Variants in FAM171A1 observed in about 807,000 individuals in gnomAD.
The protein encoded by FAM171A1 is family with sequence similarity 171 member A1.
A neutral mutation model predicts 74.9 loss-of-function variants in FAM171A1; 23 were observed. That is an observed-to-expected ratio of 0.31 (90% CI 0.22 to 0.44). The LOEUF is 0.44. Ranked by LOEUF, FAM171A1 falls within the 20% of genes least tolerant of loss-of-function variation. The pLI is 1.00. For synonymous variants in FAM171A1, 527 were observed against 505.7 expected (o/e 1.04, Z -0.57); for missense variants, 1,162 against 1,159.2 (o/e 1.00, Z -0.03).
chr10:15,328,390 C>T (rs992914010), intron 1 of FAM171A1, among the ~76,000 whole-genome samples: 3 of 152,202 alleles, frequency 2.0e-5, no homozygotes, highest in Admixed American at 6.6e-5. Context: ...AGGTGATCCA[C>T]CCGCCTCGGC....
At chr10:15,240,204 T>C (rs1834346396) in intron 5 of FAM171A1, among the ~76,000 whole-genome samples, 1 of 152,032 alleles carries the variant, frequency 6.6e-6, no homozygotes, top group Non-Finnish European at 1.5e-5. Context: ...CTACTAAAAA[T>C]ACAAAAATTA....
chr10:15,371,678 C>T (rs929877917), upstream of FAM171A1, among the ~76,000 whole-genome samples: 1 of 152,184 alleles, frequency 6.6e-6, no homozygotes, highest in Non-Finnish European at 1.5e-5. Context: ...GCAGTACCTA[C>T]GTGTTGGCGG....
chr10:15,312,167 G>C (rs1454701489), intron 1 of FAM171A1, among the ~76,000 whole-genome samples: 1 of 152,144 alleles, frequency 6.6e-6, no homozygotes, highest in Non-Finnish European at 1.5e-5. Flanking sequence ...TTTTGAATCG[G>C]ACCAGATCGG....
chr10:15,212,939 G>C lies in FAM171A1; in HGVS notation c.2649C>G (p.Pro883=). ...CTCATTTAATGTTAAACGCCATCAGGGGCCTCTCCTCCCGTTTCTGCCAGG... is the reference window on the plus strand; with the variant it reads ...CTCATTTAATGTTAAACGCCATCAGCGGCCTCTCCTCCCGTTTCTGCCAGG... The part of the protein sequence containing the change: ...KSPWQKREER[P]LMAFNIK Residue 883 remains proline, a synonymous_variant, in exon 8 of 8, where the codon CCC becomes CCG. Coordinates refer to ENST00000378116, the MANE Select transcript of FAM171A1 (RefSeq NM_001010924.2). 1 of 1,614,090 alleles carries C rather than the reference G, an allele frequency of 6.2e-7. No homozygotes were observed. Among genetic ancestry groups the C allele is most frequent in the Non-Finnish European group, 8.5e-7 (1 of 1,180,020 alleles).
intron 5 of FAM171A1, among the ~76,000 whole-genome samples, chr10:15,233,658 C>G (rs1834240070): frequency 6.6e-6 from 1 of 152,148 alleles, no homozygotes; most frequent in Middle Eastern, 3.4e-3. Flanking sequence ...AATCCCAGCA[C>G]TTTGGGAGGC....
chr10:15,317,134 G>C (rs1299441587), intron 1 of FAM171A1, among the ~76,000 whole-genome samples: 1 of 152,118 alleles, frequency 6.6e-6, no homozygotes, highest in Non-Finnish European at 1.5e-5. Flanking sequence ...ACACAGGGAG[G>C]GGCCACCAGA....
intron 4 of FAM171A1, among the ~76,000 whole-genome samples, chr10:15,251,937 A>C (rs918531906): frequency 1.3e-5 from 2 of 152,146 alleles, no homozygotes; most frequent in African/African-American, 2.4e-5. Context: ...CCAAGCGAGG[A>C]GAGGAGCTGT....
intron 5 of FAM171A1, among the ~76,000 whole-genome samples, chr10:15,223,028 C>T (rs140829575): frequency 7.9e-5 from 12 of 152,280 alleles, no homozygotes; most frequent in South Asian, 6.2e-4. Context: ...GGAGCGACAA[C>T]GTAAGATGTT....
At chr10:15,221,166 G>A in intron 5 of FAM171A1, 106 bp from the exon 6 acceptor site, 2 of 907,406 alleles carry the variant, frequency 2.2e-6, no homozygotes, top group Non-Finnish European at 3.2e-6. Context: ...TCATGTTTAT[G>A]ACCTATAAGA....
intron 5 of FAM171A1, among the ~76,000 whole-genome samples, chr10:15,227,030 C>T (rs1042555400): frequency 6.6e-6 from 1 of 152,158 alleles, no homozygotes; most frequent in African/African-American, 2.4e-5. Flanking sequence ...GACAGAGTCT[C>T]ATTCTTTTGC....
intron 5 of FAM171A1, among the ~76,000 whole-genome samples, chr10:15,236,575 C>CAG (rs1189925507): frequency 2.0e-5 from 3 of 151,594 alleles, no homozygotes; most frequent in Non-Finnish European, 4.4e-5. Context: ...CTGGGCTGCA[C>CAG]ACTGCCTCTA....
chr10:15,252,294 T>C (rs1834519635), intron 4 of FAM171A1, among the ~76,000 whole-genome samples: 1 of 152,094 alleles, frequency 6.6e-6, no homozygotes. Flanking sequence ...CAACACAACC[T>C]TCATGGTACC....
At chr10:15,350,054 G>C (rs751895365) in intron 1 of FAM171A1, among the ~76,000 whole-genome samples, 2 of 151,946 alleles carry the variant, frequency 1.3e-5, no homozygotes, top group East Asian at 3.9e-4. Context: ...GATCAGACAC[G>C]GCACCCGGTT....
intron 1 of FAM171A1, among the ~76,000 whole-genome samples, chr10:15,355,809 T>A (rs1261435702): frequency 6.6e-6 from 1 of 152,152 alleles, no homozygotes; most frequent in Non-Finnish European, 1.5e-5. Flanking sequence ...ACCTGTGGCA[T>A]GCAAATATTA....
In FAM171A1 at chr10:15,325,557, C is replaced by A. The variant is rs572014524; in HGVS notation, c.98-41452G>T. Reference sequence around the variant, plus strand: ...ATCTTTTCTTTGCTTCTTTTCCAGGCCTTTCTGTGGACCCCAGATACTTCT... The same window carrying A: ...ATCTTTTCTTTGCTTCTTTTCCAGGACTTTCTGTGGACCCCAGATACTTCT... On this transcript the variant is annotated intron_variant, in intron 1 of 7. Transcript: ENST00000378116. Among the ~76,000 whole-genome samples, 12 of 152,230 alleles carry A rather than the reference C, an allele frequency of 7.9e-5. No individual in the cohort carries two copies. The South Asian group carries it at 2.3e-3, about 29-fold the overall frequency.
chr10:15,319,284 C>T (rs777926626), intron 1 of FAM171A1, among the ~76,000 whole-genome samples: 27 of 152,166 alleles, frequency 1.8e-4, no homozygotes, highest in Non-Finnish European at 3.2e-4. Flanking sequence ...GATACGTCTC[C>T]TTCCCCTCCC....
intron 3 of FAM171A1, among the ~76,000 whole-genome samples, chr10:15,271,166 T>A (rs138125072): frequency 0.01 from 1,597 of 152,134 alleles, 25 homozygotes; most frequent in East Asian, 0.079. Context: ...CTAACTAGAA[T>A]AAACAGCGTA....
At chr10:15,264,525 CG>C (rs1333258848) in intron 3 of FAM171A1, among the ~76,000 whole-genome samples, 1 of 151,922 alleles carries the variant, frequency 6.6e-6, no homozygotes, top group East Asian at 1.9e-4. Context: ...ACAAATACAT[CG>C]GGCATCTCAG....
intron 1 of FAM171A1, among the ~76,000 whole-genome samples, chr10:15,366,223 A>C (rs1271982136): frequency 6.6e-6 from 1 of 152,076 alleles, no homozygotes; most frequent in Non-Finnish European, 1.5e-5. Context: ...GAGTTCAAGC[A>C]ATTGTCCTGC....
Sources: allele counts gnomAD v4.1 joint callset (sites outside exome capture counted in the v4.1 genomes callset), GRCh38; gene constraint gnomAD v4.1.1; transcripts MANE v1.5; gene names NCBI Gene and HGNC (gene_info 2026-07-23, HGNC 2026-07-21).